The following ALDH1A2 variants were observed in gnomAD, a reference collection of about 807,000 sequenced individuals.
The protein encoded by ALDH1A2 is retinal dehydrogenase 2.
In ALDH1A2, 27 loss-of-function variants were observed where a neutral mutation model predicts 60.3. That is an observed-to-expected ratio of 0.45 (90% CI 0.33 to 0.62). ALDH1A2 has a LOEUF of 0.62. Among genes scored for constraint, ALDH1A2 ranks in the 20% least tolerant of loss-of-function variants. The pLI, the probability that ALDH1A2 is intolerant of heterozygous loss-of-function variation, is 0.02. For missense variants in ALDH1A2, 581 were observed against 643.8 expected, an observed-to-expected ratio of 0.90 and a Z score of 1.06; for synonymous variants, 289 against 232.4, an observed-to-expected ratio of 1.24 and a Z score of -2.21.
intron 1 of ALDH1A2, among the ~76,000 whole-genome samples, chr15:58,031,485 A>C (rs1408450743): frequency 6.6e-6 from 1 of 152,202 alleles, no homozygotes; most frequent in African/African-American, 2.4e-5. Context: ...ACACCAAAGC[A>C]ATGGCAACAA....
chr15:58,043,053 G>A (rs1896557245), intron 1 of ALDH1A2, among the ~76,000 whole-genome samples: 2 of 151,920 alleles, frequency 1.3e-5, no homozygotes, highest in Admixed American at 1.3e-4. Context: ...AGGAAGAGGT[G>A]AAGTTGCTTG....
At chr15:58,014,124 G>A in intron 2 of ALDH1A2, 53 bp downstream of exon 2, 1 of 1,614,002 alleles carries the variant, frequency 6.2e-7, no homozygotes, top group African/African-American at 1.3e-5. Context: ...TTGCTGCTCT[G>A]CTGTTTGAAG....
At chr15:58,047,804 C>T (rs868735046) in intron 1 of ALDH1A2, among the ~76,000 whole-genome samples, 5 of 151,812 alleles carry the variant, frequency 3.3e-5, no homozygotes, top group East Asian at 1.9e-4. Flanking sequence ...CTTTGCTTCA[C>T]GCCAAAACAT....
chr15:58,055,515 C>G (rs1896873514), intron 1 of ALDH1A2, among the ~76,000 whole-genome samples: 1 of 151,634 alleles, frequency 6.6e-6, no homozygotes, highest in African/African-American at 2.4e-5. Context: ...AAAAATTGTA[C>G]CACTGAGAAG....
intron 8 of ALDH1A2, 96 bp downstream of exon 8, chr15:57,965,629 A>C: frequency 1.0e-6 from 1 of 962,306 alleles, no homozygotes; most frequent in Non-Finnish European, 1.7e-6. Context: ...CTTAGCTTCA[A>C]ATATCTTTTG....
intron 1 of ALDH1A2, among the ~76,000 whole-genome samples, chr15:58,035,894 GATTT>G (rs1896365982): frequency 6.6e-6 from 1 of 151,636 alleles, no homozygotes; most frequent in Non-Finnish European, 1.5e-5. Flanking sequence ...GCTGGACATA[GATTT>G]ATTTTACTAG....
Position 58,010,682 on chromosome 15 carries a change from C to T in ALDH1A2, c.460G>A (p.Ala154Thr), listed in dbSNP as rs78858944. The change falls in exon 4 of 13, where the codon GCT becomes ACT. Residue 154 changes from alanine (A) to threonine (T), a missense_variant. Around this residue, in one of 2 missense-constraint regions of ALDH1A2, gnomAD observed 375 missense variants for 469.7 expected, o/e 0.80. Coordinates refer to ENST00000249750, the MANE Select transcript of ALDH1A2 (RefSeq NM_003888.4). ...IKTFRYYAGW[A>T]DKIHGMTIPV... ...ATGGTCATCCCATGAATTTTATCAG[C>T]CCAGCCTGCGTAATATCGAAAGGTT... is the stretch of plus-strand genomic sequence containing the variant. 14 of 1,613,320 alleles carry T rather than the reference C, an allele frequency of 8.7e-6. No individual in the cohort carries two copies. The South Asian group carries it at 1.3e-4, about 15-fold the overall frequency.
intron 1 of ALDH1A2, among the ~76,000 whole-genome samples, chr15:58,032,196 T>C (rs1286485979): frequency 1.8e-4 from 27 of 152,250 alleles, no homozygotes; most frequent in African/African-American, 6.5e-4. Context: ...TGAGTTCATG[T>C]CCTTTGTAGG....
intron 2 of ALDH1A2, 25 bp from the exon 3 acceptor site, chr15:58,014,023 T>G (rs772267320): frequency 6.2e-6 from 10 of 1,613,998 alleles, no homozygotes; most frequent in Non-Finnish European, 8.5e-6. Flanking sequence ...GAGGCACAAC[T>G]GAAGAAAAAC....
chr15:58,028,704 T>C (rs921470069), intron 1 of ALDH1A2, among the ~76,000 whole-genome samples: 1 of 151,938 alleles, frequency 6.6e-6, no homozygotes, highest in Non-Finnish European at 1.5e-5. Flanking sequence ...GATGGAGGAA[T>C]ATCTACCAAG....
chr15:58,058,040 C>G, intron 1 of ALDH1A2: 2 of 1,519,960 alleles, frequency 1.3e-6, no homozygotes, highest in South Asian at 2.4e-5. Flanking sequence ...GGATTTTAAC[C>G]AAACAGTCTC....
At chr15:57,986,045 A>G (rs1057013576) in intron 7 of ALDH1A2, among the ~76,000 whole-genome samples, 1 of 152,236 alleles carries the variant, frequency 6.6e-6, no homozygotes, top group Non-Finnish European at 1.5e-5. Flanking sequence ...CATGAAACCT[A>G]AAGAAAATCA....
intron 1 of ALDH1A2, among the ~76,000 whole-genome samples, chr15:58,062,523 C>G (rs1566965004): frequency 6.6e-6 from 1 of 152,112 alleles, no homozygotes; most frequent in East Asian, 1.9e-4. Context: ...AAAAGTCAGA[C>G]TAATAAAATA....
intron 1 of ALDH1A2, among the ~76,000 whole-genome samples, chr15:58,060,463 C>CTTTTTTTTTTTTTTTT (rs35187901): frequency 3.3e-4 from 29 of 87,508 alleles, no homozygotes; most frequent in East Asian, 7.8e-4. Context: ...CCACACATAT[C>CTTTTTTTTTTTTTTTT]TTTTTTTTTT....
At chr15:58,016,408 G>A (rs557022194) in intron 1 of ALDH1A2, among the ~76,000 whole-genome samples, 21 of 152,036 alleles carry the variant, frequency 1.4e-4, no homozygotes, top group Non-Finnish European at 2.2e-4. Flanking sequence ...AAAGTGCTGG[G>A]ATTACAGGCG....
chr15:58,053,308 G>T (rs1896821786), intron 1 of ALDH1A2, among the ~76,000 whole-genome samples: 1 of 152,104 alleles, frequency 6.6e-6, no homozygotes, highest in South Asian at 2.1e-4. Flanking sequence ...TCCAAAAATT[G>T]TAAAACTAAA....
intron 1 of ALDH1A2, among the ~76,000 whole-genome samples, chr15:58,051,564 G>C (rs1896779437): frequency 6.6e-6 from 1 of 152,096 alleles, no homozygotes; most frequent in Non-Finnish European, 1.5e-5. Flanking sequence ...GCTGCCACTT[G>C]ACCCGGAATT....
intron 7 of ALDH1A2, among the ~76,000 whole-genome samples, chr15:57,989,951 T>C (rs561024181): frequency 4.6e-4 from 24 of 52,326 alleles, no homozygotes; most frequent in African/African-American, 1.2e-3. Context: ...CGAGATTGCG[T>C]CACTGCAGTC....
chr15:57,979,001 C>G (rs1290227147), intron 7 of ALDH1A2, among the ~76,000 whole-genome samples: 1 of 152,156 alleles, frequency 6.6e-6, no homozygotes, highest in African/African-American at 2.4e-5. Context: ...TGCCACTGCA[C>G]TCCAGACTGG....
Sources: gnomAD v4.1 joint callset for allele counts (sites outside exome capture counted in the v4.1 genomes callset) on GRCh38, gnomAD v4.1.1 for gene constraint, gnomAD v4.1.1 regional missense constraint, MANE v1.5 for transcripts, NCBI Gene and HGNC (gene_info 2026-07-23, HGNC 2026-07-21) for gene names.